GPX5: variants seen among roughly 807,000 people sequenced by gnomAD.
GPX5 encodes the protein epididymal secretory glutathione peroxidase.
GPX5 carries 20 observed loss-of-function variants against 23.8 expected under a neutral mutation model. The ratio of observed to expected loss-of-function variants is 0.84; its 90% CI spans 0.59 to 1.22. The LOEUF (loss-of-function observed/expected upper bound fraction) is 1.22, where lower values mean the gene tolerates loss of function less well. Among genes scored for constraint, GPX5 ranks in the 50% most tolerant of loss-of-function variants. GPX5 has a pLI of 0.00. For synonymous variants in GPX5, 92 were observed against 99.5 expected (o/e 0.92, Z 0.45); for missense variants, 230 against 266.6 (o/e 0.86, Z 0.96).
intron 4 of GPX5, among the ~76,000 whole-genome samples, chr6:28,533,026 C>A (rs894082441): frequency 1.3e-5 from 2 of 152,088 alleles, no homozygotes; most frequent in African/African-American, 2.4e-5. Flanking sequence ...GAGGCTGAGG[C>A]CAGAGGATTG....
intron 2 of GPX5, among the ~76,000 whole-genome samples, chr6:28,531,385 AAAAAAAAAGAAAAGAAAAGAAAAG>A (rs1763313714): frequency 1.5e-5 from 2 of 132,312 alleles, no homozygotes; most frequent in African/African-American, 5.7e-5. Flanking sequence ...AAAAAAAAAA[AAAAAAAAAGAAAAGAAAAGAAAAG>A]AAAAGAAAAG....
At position 28,534,039 on chromosome 6, in the gene GPX5, C is replaced by T. The variant is rs774065092; in HGVS notation, c.538C>T (p.Arg180Cys). ...SWDPVKVHDI[R>C]WNFEKFLVGP... ...GGACCCTGTAAAGGTCCATGACATC[C>T]GTTGGAACTTTGAAAAGTTCCTGGT... is the stretch of plus-strand genomic sequence containing the variant. Residue 180 changes from arginine to cysteine, a missense_variant, in exon 5 of 5, where the codon CGT (arginine) becomes TGT (cysteine). By Grantham distance (180) the Arg-to-Cys change is radical. Transcript: ENST00000412168. 1.1e-5 allele frequency: 17 copies of T among 1,610,802 alleles called. No homozygotes were observed. The highest frequency in any genetic ancestry group is 6.7e-5 in the African/African-American group (5 of 74,738).
At position 28,531,822 on chromosome 6, in the gene GPX5, G is replaced by T. The variant is rs777407294; in HGVS notation, c.286G>T (p.Val96Leu). Residue 96 changes from valine to leucine, a missense_variant, in exon 3 of 5, where the codon GTG (valine) becomes TTG (leucine). Transcript: ENST00000412168. The stretch of plus-strand genomic sequence containing the variant: ...GGAGCTGAAGCCCTATGGTCTAGTT[G>T]TGTTGGGCTTTCCCTGCAACCAATT... ...QEELKPYGLV[V>L]LGFPCNQFGK... 1 of 1,613,964 alleles carries T rather than the reference G, an allele frequency of 6.2e-7. No individual in the cohort carries two copies. Among genetic ancestry groups the T allele is most frequent in the Non-Finnish European group, 8.5e-7 (1 of 1,179,908 alleles).
In GPX5 at chr6:28,532,414, C is replaced by T; in HGVS notation, c.453C>T (p.Phe151=). The T allele has an allele frequency of 6.3e-7, 1 of 1,575,594 alleles. No homozygotes were observed. Among genetic ancestry groups the T allele is most frequent in the Non-Finnish European group, 8.6e-7 (1 of 1,160,222 alleles). Residue 151 remains phenylalanine, a synonymous_variant, in exon 4 of 5, where the codon TTC becomes TTT. Coordinates refer to ENST00000412168, the MANE Select transcript of GPX5 (RefSeq NM_001509.3). Reference sequence around the variant, plus strand: ...AAAAAGAACAGAAAGTCTTCAGTTTCTTGAAGGTGAGTAAATTCCTGGCAT... The same window carrying T: ...AAAAAGAACAGAAAGTCTTCAGTTTTTTGAAGGTGAGTAAATTCCTGGCAT... ...NGEKEQKVFS[F]LKHSCPHPSE...
At chr6:28,528,486 T>C (rs1196443676) in intron 1 of GPX5, 2 of 152,068 alleles carry the variant, frequency 1.3e-5, no homozygotes, top group Non-Finnish European at 2.9e-5. Context: ...TGGGGAAAGA[T>C]AAGCAACTAA....
At chr6:28,532,039 C>A in intron 3 of GPX5, 144 bp downstream of exon 3, 1 of 734,826 alleles carries the variant, frequency 1.4e-6, no homozygotes, top group Non-Finnish European at 2.4e-6. Flanking sequence ...TTTGGCCTAC[C>A]GTGATGAGCG....
At chr6:28,528,833 A>G (rs796778561) in intron 1 of GPX5, among the ~76,000 whole-genome samples, 15 of 566 alleles carry the variant, frequency 0.027, 3 homozygotes, top group South Asian at 0.091. Flanking sequence ...ATATATATAT[A>G]TATATATATA....
At position 28,534,227 on chromosome 6, in the gene GPX5, C is replaced by T. The variant is rs1763383224; in HGVS notation, c.*60C>T. 1 of 1,259,334 alleles carries T rather than the reference C, an allele frequency of 7.9e-7. No individual in the cohort carries two copies. 78.0% of individuals were successfully genotyped at this position (1,259,334 alleles called of 1,614,324 possible). A position where few individuals can be genotyped will look rare whatever the true frequency, so the allele number is the denominator to read the frequency against. Reference sequence around the variant, plus strand: ...CTCACCTAATGACTTGCTCTCCCCACCCCTCCAAAAAAAAGGAATACCCAT... The same window carrying T: ...CTCACCTAATGACTTGCTCTCCCCATCCCTCCAAAAAAAAGGAATACCCAT... On this transcript the variant is annotated 3_prime_UTR_variant, in exon 5 of 5. Coordinates refer to ENST00000412168, the MANE Select transcript of GPX5 (RefSeq NM_001509.3).
chr6:28,528,044 G>C (rs1292659265), intron 1 of GPX5: 1 of 152,206 alleles, frequency 6.6e-6, no homozygotes, highest in African/African-American at 2.4e-5. Flanking sequence ...AGGTGGAATG[G>C]AATATGAAAG....
chr6:28,528,823 A>G (rs1249474433), intron 1 of GPX5, among the ~76,000 whole-genome samples: 7 of 114 alleles, frequency 0.061, no homozygotes, highest in South Asian at 0.4. Flanking sequence ...GTATATATAT[A>G]TATATATATA....
rs761764258 is a variant in GPX5 at position 28,534,040 on chromosome 6, G to A, written c.539G>A (p.Arg180His). ...SWDPVKVHDI[R>H]WNFEKFLVGP... ...GACCCTGTAAAGGTCCATGACATCC[G>A]TTGGAACTTTGAAAAGTTCCTGGTG... is the stretch of plus-strand genomic sequence containing the variant. Residue 180 changes from arginine (R) to histidine (H), a missense_variant, in exon 5 of 5, where the codon CGT becomes CAT. Coordinates refer to ENST00000412168, the MANE Select transcript of GPX5 (RefSeq NM_001509.3). 1.4e-5 allele frequency: 22 copies of A among 1,610,714 alleles called. No individual in the cohort carries two copies. Among genetic ancestry groups the A allele is most frequent in the Non-Finnish European group, 1.4e-5 (17 of 1,178,636 alleles).
At position 28,533,975 on chromosome 6, in the gene GPX5, T is replaced by C; in HGVS notation, c.474T>C (p.His158=). 6.3e-7 allele frequency: 1 copy of C among 1,591,158 alleles called. No individual in the cohort carries two copies. The highest frequency in any genetic ancestry group is 8.6e-7 in the Non-Finnish European group (1 of 1,168,492). ...CTCTGGTTTAGCACTCCTGTCCTCA[T>C]CCCTCTGAGATTTTGGGCACATTCA... is the stretch of plus-strand genomic sequence containing the variant. ...VFSFLKHSCP[H]PSEILGTFKS... is the part of the protein sequence containing the mutation. The change falls in exon 5 of 5, where the codon CAT becomes CAC. Residue 158 remains histidine, a synonymous_variant. Transcript: ENST00000412168.
chr6:28,532,377 A>T lies in GPX5; in HGVS notation c.416A>T (p.Asp139Val), dbSNP rs911500268. ...AGTTTCCAGCTTTTTGAGAAAGGGG[A>T]TGTGAATGGTGAAAAAGAACAGAAA... ...VPSFQLFEKGDVNGEKEQKVF... is the reference protein window; with the variant it reads ...VPSFQLFEKGVVNGEKEQKVF... The change falls in exon 4 of 5, where the codon GAT becomes GTT. Residue 139 changes from aspartate (D) to valine (V), a missense_variant. Asp to Val is a radical substitution (Grantham distance 152, BLOSUM62 -3). Coordinates refer to ENST00000412168, the MANE Select transcript of GPX5 (RefSeq NM_001509.3). The T allele has an allele frequency of 7.5e-6, 12 of 1,593,834 alleles. No individual in the cohort carries two copies. Among genetic ancestry groups the T allele is most frequent in the Non-Finnish European group, 1.0e-5 (12 of 1,173,356 alleles).
At position 28,531,779 on chromosome 6, in the gene GPX5, A is replaced by G; in HGVS notation, c.243A>G (p.Glu81=). The G allele has an allele frequency of 6.2e-7, 1 of 1,604,280 alleles. No homozygotes were observed. Among genetic ancestry groups the G allele is most frequent in the Non-Finnish European group, 8.5e-7 (1 of 1,174,106 alleles). The change falls in exon 3 of 5, where the codon GAA becomes GAG. Residue 81 remains glutamate (E), a splice_region_variant and synonymous_variant. Transcript: ENST00000412168. ...AAATTGTTCCTCCTCTAACTGCAGAACTAAATGCACTCCAGGAGGAGCTGA... is the reference window on the plus strand; with the variant it reads ...AAATTGTTCCTCCTCTAACTGCAGAGCTAAATGCACTCCAGGAGGAGCTGA... The part of the protein sequence containing the change: ...TYCGLTAQYP[E]LNALQEELKP...
Position 28,529,515 on chromosome 6 carries a change from A to G in GPX5, c.152A>G (p.Asn51Ser), listed in dbSNP as rs781084749. ...YDYEAIALNK[N>S]EYVSFKQYVG... ...TATGAGGCCATCGCACTTAATAAGA[A>G]TGAATATGTTTCCTTCAAGCAGTAT... Residue 51 changes from asparagine (N) to serine (S), a missense_variant, in exon 2 of 5, where the codon AAT (asparagine) becomes AGT (serine). By Grantham distance (46) the Asn-to-Ser change is conservative. Coordinates refer to ENST00000412168, the MANE Select transcript of GPX5 (RefSeq NM_001509.3). 1 of 1,613,668 alleles carries G rather than the reference A, an allele frequency of 6.2e-7. No homozygotes were observed. The highest frequency in any genetic ancestry group is 2.2e-5 in the East Asian group (1 of 44,864).
At chr6:28,531,283 A>C (rs766036257) in intron 2 of GPX5, among the ~76,000 whole-genome samples, 10 of 150,568 alleles carry the variant, frequency 6.6e-5, no homozygotes, top group Admixed American at 1.3e-4. Flanking sequence ...AGGCAGGAGA[A>C]TCACTTGGAT....
intron 1 of GPX5, chr6:28,526,902 A>G (rs1457619621): frequency 6.6e-6 from 1 of 152,218 alleles, no homozygotes; most frequent in Non-Finnish European, 1.5e-5. Context: ...AACAATTATT[A>G]TGCATATAAT....
intron 2 of GPX5, among the ~76,000 whole-genome samples, chr6:28,530,983 G>A (rs1348115169): frequency 1.3e-5 from 2 of 152,164 alleles, no homozygotes; most frequent in Non-Finnish European, 2.9e-5. Flanking sequence ...GGTAGTGGAC[G>A]AAGGCAGCTG....
At position 28,529,438 on chromosome 6, in the gene GPX5, A is replaced by G. The variant is rs540769203; in HGVS notation, c.88-13A>G. ...ATTGTTACCAGTATTATCACTTAAA[A>G]AAAATCTTCCAGATGGATTGCCACA... On this transcript the variant is annotated splice_polypyrimidine_tract_variant and intron_variant, in intron 1 of 4. Coordinates refer to ENST00000412168, the MANE Select transcript of GPX5 (RefSeq NM_001509.3). The G allele has an allele frequency of 3.8e-6, 6 of 1,597,928 alleles. No individual in the cohort carries two copies. The South Asian group carries it at 6.8e-5, about 18-fold the overall frequency.
Sources: gnomAD v4.1 joint callset for allele counts (sites outside exome capture counted in the v4.1 genomes callset) on GRCh38, gnomAD v4.1.1 for gene constraint, MANE v1.5 for transcripts, NCBI Gene and HGNC (gene_info 2026-07-23, HGNC 2026-07-21) for gene names.